Variants in SERPINI1 observed in about 807,000 individuals in gnomAD.
The protein encoded by SERPINI1 is serpin family I member 1.
In SERPINI1, 19 loss-of-function variants were observed where a neutral mutation model predicts 41.1. That is an observed-to-expected ratio of 0.46 (90% CI 0.32 to 0.68). The LOEUF is 0.68. Ranked by LOEUF, SERPINI1 falls within the 30% of genes least tolerant of loss-of-function variation. The pLI is 0.03. For synonymous variants in SERPINI1, 138 were observed against 156.6 expected (o/e 0.88, Z 0.89); for missense variants, 460 against 479.2 (o/e 0.96, Z 0.37).
chr3:167,752,604 C>A (rs1386507316), intron 1 of SERPINI1, among the ~76,000 whole-genome samples: 1 of 151,980 alleles, frequency 6.6e-6, no homozygotes, highest in East Asian at 1.9e-4. Context: ...CACCCAATTT[C>A]TTCTTCAGCT....
intron 6 of SERPINI1, among the ~76,000 whole-genome samples, chr3:167,809,335 C>T (rs762554296): frequency 3.3e-5 from 5 of 152,168 alleles, no homozygotes; most frequent in African/African-American, 7.2e-5. Flanking sequence ...ACTTTCTTAA[C>T]GTGGCTCTAT....
rs770289726 is a variant in SERPINI1, at chr3:167,794,625, T to C, written c.682T>C (p.Phe228Leu). Residue 228 changes from phenylalanine (F) to leucine (L), a missense_variant, in exon 5 of 9, where the codon TTT becomes CTT. Phe to Leu is a conservative substitution (Grantham distance 22). Transcript: ENST00000446050. ...YQQGEFYYGE[F>L]SDGSNEAGGI... ...GGCCTTTATTTTCTTTTTAGGGGAA[T>C]TTAGTGATGGCTCCAATGAAGCTGG... is the stretch of plus-strand genomic sequence containing the variant. The C allele has an allele frequency of 6.2e-7, 1 of 1,613,122 alleles. No individual in the cohort carries two copies. Among genetic ancestry groups the C allele is most frequent in the African/African-American group, 1.3e-5 (1 of 74,810 alleles).
chr3:167,782,002 A>G (rs1727146733), intron 1 of SERPINI1, among the ~76,000 whole-genome samples: 1 of 152,140 alleles, frequency 6.6e-6, no homozygotes, highest in Admixed American at 6.6e-5. Context: ...AACCAAGAAG[A>G]GAAATGCAAG....
chr3:167,764,699 C>G (rs1277263704), intron 1 of SERPINI1, among the ~76,000 whole-genome samples: 2 of 152,152 alleles, frequency 1.3e-5, no homozygotes, highest in South Asian at 2.1e-4. Context: ...CTCCAAAGTC[C>G]ACAATCCACA....
At chr3:167,763,408 C>G (rs1341281038) in intron 1 of SERPINI1, among the ~76,000 whole-genome samples, 1 of 146,182 alleles carries the variant, frequency 6.8e-6, no homozygotes, top group Non-Finnish European at 1.5e-5. Flanking sequence ...GAGACAGGAT[C>G]TTACTCTGTC....
chr3:167,819,358 C>G (rs939403780), intron 6 of SERPINI1, among the ~76,000 whole-genome samples: 1 of 149,068 alleles, frequency 6.7e-6, no homozygotes, highest in African/African-American at 2.6e-5. Context: ...TAAATATATT[C>G]GGTTACTTAA....
At chr3:167,748,745 T>A (rs1350065527) in intron 1 of SERPINI1, among the ~76,000 whole-genome samples, 2 of 132,296 alleles carry the variant, frequency 1.5e-5, no homozygotes, top group Non-Finnish European at 3.2e-5. Context: ...AGACAGAGTG[T>A]GTTACTCTGT....
intron 1 of SERPINI1, among the ~76,000 whole-genome samples, chr3:167,755,184 G>A (rs1726158313): frequency 6.6e-6 from 1 of 152,174 alleles, no homozygotes; most frequent in Non-Finnish European, 1.5e-5. Flanking sequence ...AGCTGTATGG[G>A]AAAGAATCAT....
chr3:167,749,923 G>A (rs1484539807), intron 1 of SERPINI1, among the ~76,000 whole-genome samples: 2 of 152,150 alleles, frequency 1.3e-5, no homozygotes, highest in Non-Finnish European at 2.9e-5. Context: ...CATAAGCTGT[G>A]GGGCAGTATG....
chr3:167,807,801 T>C lies in SERPINI1; in HGVS notation c.979+460T>C, dbSNP rs1005570031. On this transcript the variant is annotated intron_variant, in intron 6 of 8. Transcript: ENST00000446050. Reference sequence around the variant, plus strand: ...ACCCAGTGAGATGGTATAAACATGTTCTAATTCTTTAATAAAAAAATAAAT... The same window carrying C: ...ACCCAGTGAGATGGTATAAACATGTCCTAATTCTTTAATAAAAAAATAAAT... 6.6e-5 allele frequency among the ~76,000 whole-genome samples: 10 copies of C among 152,220 alleles called. No individual in the cohort carries two copies. In the East Asian group the frequency reaches 1.9e-3, roughly 29 times the overall value.
chr3:167,739,465 A>G (rs1224751231), intron 1 of SERPINI1, among the ~76,000 whole-genome samples: 1 of 152,186 alleles, frequency 6.6e-6, no homozygotes. Flanking sequence ...GCACAATTGG[A>G]TTCACACTGT....
In SERPINI1 at chr3:167,822,944, T is replaced by C. The variant is rs750849820; in HGVS notation, c.980-42T>C. The C allele has an allele frequency of 6.3e-6, 7 of 1,102,842 alleles. No homozygotes were observed. The Admixed American group carries it at 1.0e-4, about 16-fold the overall frequency. 68.3% of individuals were successfully genotyped at this position (1,102,842 alleles called of 1,614,324 possible). On this transcript the variant is annotated intron_variant, in intron 6 of 8. Transcript: ENST00000446050. ...AACAAAAGGGCAAAATATTTTCCTA[T>C]CTCTGAATGAAAAAAAAAAATTTCT...
chr3:167,748,662 T>C (rs888230879), intron 1 of SERPINI1, among the ~76,000 whole-genome samples: 3 of 151,898 alleles, frequency 2.0e-5, no homozygotes, highest in African/African-American at 7.3e-5. Flanking sequence ...GGAATTTGAG[T>C]ATGAAATCAA....
chr3:167,822,823 C>A, intron 6 of SERPINI1, 163 bp from the exon 7 acceptor site: 4 of 550,114 alleles, frequency 7.3e-6, no homozygotes, highest in Non-Finnish European at 1.3e-5. Flanking sequence ...AATTAAAAAC[C>A]ACATCTTCAA....
At chr3:167,821,586 C>T (rs1257355895) in intron 6 of SERPINI1, among the ~76,000 whole-genome samples, 4 of 152,138 alleles carry the variant, frequency 2.6e-5, no homozygotes, top group Admixed American at 1.3e-4. Context: ...ACACCTGGCT[C>T]GCCCTTGGCA....
chr3:167,818,628 G>C (rs1712207718), intron 6 of SERPINI1, among the ~76,000 whole-genome samples: 1 of 151,868 alleles, frequency 6.6e-6, no homozygotes, highest in Admixed American at 6.6e-5. Flanking sequence ...CTAGCTCTCT[G>C]AGAATAACCC....
At chr3:167,791,345 GAAC>G (rs1288078330) in intron 3 of SERPINI1, among the ~76,000 whole-genome samples, 1 of 151,964 alleles carries the variant, frequency 6.6e-6, no homozygotes, top group Non-Finnish European at 1.5e-5. Context: ...CTTTACATTG[GAAC>G]AACAACAAAA....
intron 1 of SERPINI1, among the ~76,000 whole-genome samples, chr3:167,772,823 A>ACACTCTCTCT (rs1553772884): frequency 4.2e-5 from 1 of 23,640 alleles, no homozygotes. Context: ...GTATCTTGAG[A>ACACTCTCTCT]CTCTCTCTCT....
intron 1 of SERPINI1, among the ~76,000 whole-genome samples, chr3:167,758,008 G>A (rs1305552255): frequency 6.6e-6 from 1 of 152,070 alleles, no homozygotes. Flanking sequence ...AAATGTCAGG[G>A]GTATTCAGCA....
Sources: gnomAD v4.1 joint callset for allele counts (sites outside exome capture counted in the v4.1 genomes callset) on GRCh38, gnomAD v4.1.1 for gene constraint, MANE v1.5 for transcripts, NCBI Gene and HGNC (gene_info 2026-07-23, HGNC 2026-07-21) for gene names.